SYT2: variants seen among roughly 807,000 people sequenced by gnomAD.
The protein encoded by SYT2 is synaptotagmin-2.
In SYT2, 15 loss-of-function variants were observed where a neutral mutation model predicts 39.9. The ratio of observed to expected loss-of-function variants is 0.38; its 90% confidence interval spans 0.25 to 0.58. SYT2 has a LOEUF of 0.58. Ranked by LOEUF, SYT2 falls within the 20% of genes least tolerant of loss-of-function variation. The pLI, the probability that SYT2 is intolerant of heterozygous loss-of-function variation, is 0.70. For missense variants in SYT2, 389 were observed against 530.3 expected, an observed-to-expected ratio of 0.73 and a Z score of 2.62; for synonymous variants, 181 against 204.5, an observed-to-expected ratio of 0.89 and a Z score of 0.98.
chr1:202,675,429 T>C lies in SYT2; in HGVS notation c.-18+34829A>G, dbSNP rs371795959. Among the ~76,000 whole-genome samples, 19 of 150,996 alleles carry C rather than the reference T, an allele frequency of 1.3e-4. 1 individual carries two copies. The highest frequency in any genetic ancestry group is 7.9e-4 in the Admixed American group (12 of 15,132). ...ACAATTGAAAATTATGTGAAGACTATTAATGCAAAGCATAGACAGCCATGA... is the reference window on the plus strand; with the variant it reads ...ACAATTGAAAATTATGTGAAGACTACTAATGCAAAGCATAGACAGCCATGA... On this transcript the variant is annotated intron_variant, in intron 1 of 8. Coordinates refer to ENST00000367268, the MANE Select transcript of SYT2 (RefSeq NM_177402.5).
chr1:202,661,578 A>C (rs1692381766), intron 1 of SYT2, among the ~76,000 whole-genome samples: 1 of 152,126 alleles, frequency 6.6e-6, no homozygotes, highest in Non-Finnish European at 1.5e-5. Context: ...CAGCCTTCAC[A>C]CAGCCTGGCA....
At chr1:202,697,387 AG>A (rs754643371) in intron 1 of SYT2, among the ~76,000 whole-genome samples, 8 of 152,352 alleles carry the variant, frequency 5.3e-5, no homozygotes, top group Non-Finnish European at 1.2e-4. Flanking sequence ...TGTGAGAGGG[AG>A]GCACCTCTGC....
At chr1:202,691,732 G>GA (rs1653835818) in intron 1 of SYT2, among the ~76,000 whole-genome samples, 4 of 8,320 alleles carry the variant, frequency 4.8e-4, no homozygotes, top group Non-Finnish European at 9.5e-4. Context: ...GGAGAGGGGG[G>GA]GAGAGAGAGA....
chr1:202,643,437 TCTCTCCCTCTCTCTATTCTCTTC>T (rs887175760), intron 1 of SYT2: 1 of 152,176 alleles, frequency 6.6e-6, no homozygotes, highest in African/African-American at 2.4e-5. Flanking sequence ...CGCTCTCGAG[TCTCTCCCTCTCTCTATTCTCTTC>T]CTCTCTCTCT....
At chr1:202,700,107 C>T (rs962230386) in intron 1 of SYT2, among the ~76,000 whole-genome samples, 1 of 152,114 alleles carries the variant, frequency 6.6e-6, no homozygotes, top group Non-Finnish European at 1.5e-5. Flanking sequence ...CTAGACACCC[C>T]TCTCTCCCAA....
intron 1 of SYT2, among the ~76,000 whole-genome samples, chr1:202,681,169 C>A (rs906400953): frequency 6.6e-5 from 10 of 152,090 alleles, no homozygotes; most frequent in Admixed American, 1.3e-4. Flanking sequence ...CACAGCCAAG[C>A]CATAAGAAGC....
At chr1:202,627,764 C>T (rs1558437693) in intron 1 of SYT2, among the ~76,000 whole-genome samples, 3 of 152,182 alleles carry the variant, frequency 2.0e-5, no homozygotes, top group Non-Finnish European at 4.4e-5. Context: ...ACTTTCGTTT[C>T]CTCCAAATCC....
intron 1 of SYT2, among the ~76,000 whole-genome samples, chr1:202,681,151 C>A (rs1044866721): frequency 4.6e-5 from 7 of 152,028 alleles, no homozygotes; most frequent in Non-Finnish European, 1.0e-4. Flanking sequence ...CCTCCTCCTG[C>A]CCCCAGCCAC....
At chr1:202,702,464 C>T (rs1654145282) in intron 1 of SYT2, among the ~76,000 whole-genome samples, 1 of 152,244 alleles carries the variant, frequency 6.6e-6, no homozygotes, top group Non-Finnish European at 1.5e-5. Flanking sequence ...AGCCAATTAA[C>T]TCCATGCTTC....
chr1:202,696,082 C>T (rs1235395681), intron 1 of SYT2, among the ~76,000 whole-genome samples: 2 of 152,312 alleles, frequency 1.3e-5, no homozygotes, highest in East Asian at 3.9e-4. Flanking sequence ...TGGGAAGGGA[C>T]TTCAGGGATT....
chr1:202,674,457 T>G (rs1463654993), intron 1 of SYT2, among the ~76,000 whole-genome samples: 1 of 152,218 alleles, frequency 6.6e-6, no homozygotes. Flanking sequence ...TCTGAGCATA[T>G]GAACATCTGT....
chr1:202,643,049 G>A (rs1002526805), intron 1 of SYT2, among the ~76,000 whole-genome samples: 1 of 152,204 alleles, frequency 6.6e-6, no homozygotes, highest in Non-Finnish European at 1.5e-5. Context: ...AGGTAATTCC[G>A]ACGCCCATGG....
chr1:202,630,064 GAA>G (rs1294677422), intron 1 of SYT2, among the ~76,000 whole-genome samples: 1 of 152,132 alleles, frequency 6.6e-6, no homozygotes, highest in Non-Finnish European at 1.5e-5. Context: ...GGAATGGGAG[GAA>G]AGCTCCGAAG....
At chr1:202,612,772 T>A in intron 1 of SYT2, among the ~76,000 whole-genome samples, 1 of 152,206 alleles carries the variant, frequency 6.6e-6, no homozygotes, top group East Asian at 1.9e-4. Context: ...GGAATTTTGA[T>A]AGGCATTGTG....
Position 202,592,653 on chromosome 1 carries a change from GTTC to G in SYT2, c.*4101_*4103del, listed in dbSNP as rs1258278114. Reference sequence around the variant, plus strand: ...GATGAGGCTCAAATGGCTTCAGAAGGTTCTTATTTTGTTGTTGCTTAAAAAATA... The same window carrying G: ...GATGAGGCTCAAATGGCTTCAGAAGGTTATTTTGTTGTTGCTTAAAAAATA... On this transcript the variant is annotated 3_prime_UTR_variant, in exon 9 of 9. Coordinates refer to ENST00000367268, the MANE Select transcript of SYT2 (RefSeq NM_177402.5). The G allele has an allele frequency of 6.6e-6, 1 of 152,138 alleles. No individual in the cohort carries two copies. Among genetic ancestry groups the G allele is most frequent in the Non-Finnish European group, 1.5e-5 (1 of 68,026 alleles). 9.4% of individuals were successfully genotyped at this position (152,138 alleles called of 1,614,324 possible).
intron 1 of SYT2, among the ~76,000 whole-genome samples, chr1:202,622,389 C>G (rs1403733014): frequency 6.6e-6 from 1 of 152,198 alleles, no homozygotes; most frequent in Non-Finnish European, 1.5e-5. Context: ...CACTTTGGAG[C>G]GAGGTTGTCA....
intron 1 of SYT2, among the ~76,000 whole-genome samples, chr1:202,633,326 C>T (rs759285858): frequency 5.3e-5 from 8 of 152,156 alleles, no homozygotes; most frequent in Non-Finnish European, 7.3e-5. Context: ...ATGAGGGCTG[C>T]AGTGACTCCA....
intron 1 of SYT2, among the ~76,000 whole-genome samples, chr1:202,642,393 G>A (rs1291184511): frequency 5.9e-5 from 9 of 151,876 alleles, no homozygotes; most frequent in Non-Finnish European, 1.0e-4. Context: ...TCCTGTCTTG[G>A]GCACCATGCG....
intron 5 of SYT2, 150 bp from the exon 6 acceptor site, chr1:202,602,207 G>C: frequency 9.3e-7 from 1 of 1,071,504 alleles, no homozygotes; most frequent in African/African-American, 1.6e-5. Flanking sequence ...CAGAGTGTGA[G>C]GGTGGGGTGG....
Sources: allele counts gnomAD v4.1 joint callset (sites outside exome capture counted in the v4.1 genomes callset), GRCh38; gene constraint gnomAD v4.1.1; transcripts MANE v1.5; gene names NCBI Gene and HGNC (gene_info 2026-07-23, HGNC 2026-07-21).